HSPA4L: variants seen among roughly 807,000 people sequenced by gnomAD.
HSPA4L encodes the protein heat shock protein family A (Hsp70) member 4 like.
A neutral mutation model predicts 100.3 loss-of-function variants in HSPA4L; 48 were observed. The observed-to-expected ratio is 0.48, with a 90% CI of 0.38 to 0.61. The LOEUF is 0.61. Ranked by LOEUF, HSPA4L falls within the 20% of genes least tolerant of loss-of-function variation. The probability of loss-of-function intolerance (pLI) is 0.00; values close to 1 mark genes in which losing one functional copy is unlikely to be tolerated. For missense variants in HSPA4L, 886 were observed against 988.6 expected (o/e 0.90, Z 1.39); for synonymous variants, 319 against 328.2 (o/e 0.97, Z 0.30).
At chr4:127,783,417 CGG>C in intron 1 of HSPA4L, 2 of 1,138,142 alleles carry the variant, frequency 1.8e-6, no homozygotes, top group South Asian at 2.2e-5. Flanking sequence ...TTGCCGGAGT[CGG>C]GGGCAGCTGT....
At chr4:127,783,648 CTG>C (rs753453324) in intron 1 of HSPA4L, 183 of 1,535,578 alleles carry the variant, frequency 1.2e-4, no homozygotes, top group Middle Eastern at 1.0e-3. Flanking sequence ...AGGAAACCAA[CTG>C]TATGAAACCT....
chr4:127,795,628 C>A, intron 2 of HSPA4L, 140 bp from the exon 3 acceptor site: 1 of 786,880 alleles, frequency 1.3e-6, no homozygotes, highest in Non-Finnish European at 2.0e-6. Context: ...CAGTTGGAAA[C>A]CAGAAAAAAT....
At position 127,834,062 on chromosome 4, in the gene HSPA4L, C is replaced by A. The variant is rs1268704153; in HGVS notation, c.*1188C>A. On this transcript the variant is annotated 3_prime_UTR_variant, in exon 19 of 19. Coordinates refer to ENST00000296464, the MANE Select transcript of HSPA4L (RefSeq NM_014278.4). ...TATACAAATTAAATGCGAAAAGGGA[C>A]TGTAAACTTAAGATGTATTTTAAGG... is the stretch of plus-strand genomic sequence containing the variant. 1.3e-5 allele frequency: 2 copies of A among 152,184 alleles called. No homozygotes were observed. Among genetic ancestry groups the A allele is most frequent in the Non-Finnish European group, 2.9e-5 (2 of 68,006 alleles). 9.4% of individuals were successfully genotyped at this position (152,184 alleles called of 1,614,324 possible). A position where few individuals can be genotyped will look rare whatever the true frequency, so the allele number is the denominator to read the frequency against.
Position 127,782,648 on chromosome 4 carries a change from G to A in HSPA4L, c.98G>A (p.Arg33Lys), listed in dbSNP as rs1732596006. ...ACCATCGCCAATGAGTACAGCGACA[G>A]GTGTACCCCGTAAGTGCCTCTGCTG... ...IETIANEYSD[R>K]CTPACISLGS... The change falls in exon 1 of 19, where the codon AGG becomes AAG. Residue 33 changes from arginine (R) to lysine (K), a missense_variant. Transcript: ENST00000296464. 6.2e-7 allele frequency: 1 copy of A among 1,611,000 alleles called. No individual in the cohort carries two copies. Among genetic ancestry groups the A allele is most frequent in the Non-Finnish European group, 8.5e-7 (1 of 1,178,204 alleles).
chr4:127,783,544 C>T (rs1578683334), intron 1 of HSPA4L: 1 of 1,516,988 alleles, frequency 6.6e-7, no homozygotes, highest in East Asian at 2.5e-5. Context: ...TTTCTCTGGC[C>T]TGGGAAGTTT....
chr4:127,783,741 C>G lies in HSPA4L; in HGVS notation c.107+1084C>G. 4 of 1,408,328 alleles carry G rather than the reference C, an allele frequency of 2.8e-6. No individual in the cohort carries two copies. The South Asian group carries it at 5.0e-5, about 18-fold the overall frequency. The allele number at this position is 1,408,328 out of a possible 1,614,324, so 87.2% of individuals were successfully genotyped here. Reference sequence around the variant, plus strand: ...TCCAAAATATAATACCTTAACTATACTAAAACAAGGTCAGTGTCCAATGGT... The same window carrying G: ...TCCAAAATATAATACCTTAACTATAGTAAAACAAGGTCAGTGTCCAATGGT... On this transcript the variant is annotated intron_variant, in intron 1 of 18. Transcript: ENST00000296464.
chr4:127,794,217 A>G, intron 2 of HSPA4L, 83 bp downstream of exon 2: 1 of 1,012,498 alleles, frequency 9.9e-7, no homozygotes, highest in Admixed American at 2.0e-5. Flanking sequence ...TATATTGTTA[A>G]GAGTGAATAA....
chr4:127,781,912 C>A (rs897881165), upstream of HSPA4L: 37 of 382,822 alleles, frequency 9.7e-5, no homozygotes, highest in Admixed American at 7.0e-4. Context: ...CAGCATCCTG[C>A]CGCCGTGACA....
rs1734143164 is a variant in HSPA4L at position 127,833,705 on chromosome 4, TC to T, written c.*832del. 1 of 152,202 alleles carries T rather than the reference TC, an allele frequency of 6.6e-6. No homozygotes were observed. The highest frequency in any genetic ancestry group is 2.4e-5 in the African/African-American group (1 of 41,454). 9.4% of individuals were successfully genotyped at this position (152,202 alleles called of 1,614,324 possible). ...CATCTGTGATGTTCATAGCCTTGTT[TC>T]AGTTATAATAGTTGTCTTGTTTTTT... On this transcript the variant is annotated 3_prime_UTR_variant, in exon 19 of 19. Transcript: ENST00000296464.
intron 10 of HSPA4L, 148 bp from the exon 11 acceptor site, chr4:127,807,848 G>C (rs1045408409): frequency 6.9e-6 from 5 of 726,478 alleles, no homozygotes; most frequent in Non-Finnish European, 1.1e-5. Context: ...TGCATGTTTA[G>C]AGCAAAATCA....
At chr4:127,799,603 G>A (rs1733117914) in intron 4 of HSPA4L, among the ~76,000 whole-genome samples, 1 of 152,126 alleles carries the variant, frequency 6.6e-6, no homozygotes, top group Admixed American at 6.5e-5. Flanking sequence ...CACTTGAAAG[G>A]ATATGTTAGA....
intron 10 of HSPA4L, among the ~76,000 whole-genome samples, chr4:127,807,667 A>G (rs1168334798): frequency 6.6e-6 from 1 of 152,136 alleles, no homozygotes; most frequent in Non-Finnish European, 1.5e-5. Context: ...GGTGGCAAGT[A>G]TTTTAGAAGT....
chr4:127,805,885 A>G (rs1195790471), intron 10 of HSPA4L, 92 bp downstream of exon 10: 1 of 745,698 alleles, frequency 1.3e-6, no homozygotes, highest in African/African-American at 1.8e-5. Flanking sequence ...TACGCTTCTT[A>G]AAATTCTGCC....
intron 16 of HSPA4L, among the ~76,000 whole-genome samples, chr4:127,826,444 A>T (rs1733952695): frequency 6.6e-6 from 1 of 152,310 alleles, no homozygotes; most frequent in South Asian, 2.1e-4. Flanking sequence ...AAAACATTTA[A>T]ACTATAAAAA....
chr4:127,812,050 G>A (rs1733545043), intron 12 of HSPA4L, among the ~76,000 whole-genome samples: 1 of 151,888 alleles, frequency 6.6e-6, no homozygotes, highest in African/African-American at 2.4e-5. Flanking sequence ...AATTTTTCAG[G>A]GTTTATTTGG....
intron 11 of HSPA4L, among the ~76,000 whole-genome samples, chr4:127,810,018 G>A (rs1425954864): frequency 2.0e-5 from 3 of 151,830 alleles, no homozygotes; most frequent in Non-Finnish European, 4.4e-5. Context: ...CAAACCCCAA[G>A]AATAAATTAC....
chr4:127,800,875 A>G (rs1335440690), intron 4 of HSPA4L, among the ~76,000 whole-genome samples: 2 of 152,196 alleles, frequency 1.3e-5, no homozygotes, highest in African/African-American at 2.4e-5. Context: ...ATAGATCAGA[A>G]TAACACAGGA....
chr4:127,801,702 T>TA, intron 5 of HSPA4L, 83 bp from the exon 6 acceptor site: 3 of 1,127,516 alleles, frequency 2.7e-6, no homozygotes, highest in Non-Finnish European at 3.8e-6. Flanking sequence ...TACTGCATAT[T>TA]AAAGTACAGT....
Position 127,835,220 on chromosome 4 carries a change from G to A in HSPA4L, c.*2346G>A, listed in dbSNP as rs1177025054. ...GTAAAACAGTGTTTTCCTATGGTAA[G>A]CAAATAAGAATGAAGTTTGTAGGGA... is the stretch of plus-strand genomic sequence containing the variant. On this transcript the variant is annotated 3_prime_UTR_variant, in exon 19 of 19. Coordinates refer to ENST00000296464, the MANE Select transcript of HSPA4L (RefSeq NM_014278.4). The A allele has an allele frequency of 2.0e-5, 3 of 152,056 alleles. No individual in the cohort carries two copies. The highest frequency in any genetic ancestry group is 4.4e-5 in the Non-Finnish European group (3 of 68,010). 9.4% of individuals were successfully genotyped at this position (152,056 alleles called of 1,614,324 possible). A position where few individuals can be genotyped will look rare whatever the true frequency, so the allele number is the denominator to read the frequency against.
Sources: allele counts gnomAD v4.1 joint callset (sites outside exome capture counted in the v4.1 genomes callset), GRCh38; gene constraint gnomAD v4.1.1; transcripts MANE v1.5; gene names NCBI Gene and HGNC (gene_info 2026-07-23, HGNC 2026-07-21).